The following CNTNAP5 variants were observed in gnomAD, a reference collection of about 807,000 sequenced individuals.
CNTNAP5 encodes the protein contactin-associated protein-like 5.
A neutral mutation model predicts 150.2 loss-of-function variants in CNTNAP5; 72 were observed. The ratio of observed to expected loss-of-function variants is 0.48; its 90% CI spans 0.40 to 0.58. The LOEUF (loss-of-function observed/expected upper bound fraction) is 0.58. CNTNAP5 is among the 20% of genes least tolerant of loss of function. CNTNAP5 has a pLI of 0.00. For synonymous variants in CNTNAP5, 672 were observed against 619.8 expected (o/e 1.08, Z -1.25); for missense variants, 1,636 against 1,626.2 (o/e 1.01, Z -0.10).
At chr2:124,244,608 T>C (rs1686972826) in intron 3 of CNTNAP5, among the ~76,000 whole-genome samples, 1 of 152,048 alleles carries the variant, frequency 6.6e-6, no homozygotes, top group African/African-American at 2.4e-5. Flanking sequence ...GGAGCAGCCT[T>C]TTACTAAGTA....
intron 5 of CNTNAP5, among the ~76,000 whole-genome samples, chr2:124,437,964 A>T (rs1692576341): frequency 1.3e-5 from 2 of 152,150 alleles, no homozygotes; most frequent in African/African-American, 2.4e-5. Context: ...AGTTACTTGC[A>T]ATTCAGAAAT....
intron 11 of CNTNAP5, among the ~76,000 whole-genome samples, chr2:124,591,289 C>T (rs1696675798): frequency 6.6e-6 from 1 of 152,114 alleles, no homozygotes. Context: ...TCAAAGATGA[C>T]CTTCAATGCT....
intron 3 of CNTNAP5, among the ~76,000 whole-genome samples, chr2:124,276,424 A>G (rs900658527): frequency 2.4e-4 from 36 of 152,336 alleles, no homozygotes; most frequent in African/African-American, 7.7e-4. Context: ...AACTGAGTGG[A>G]ACAGCTTCTC....
chr2:124,465,225 G>A (rs993794691), intron 6 of CNTNAP5, among the ~76,000 whole-genome samples: 1 of 152,156 alleles, frequency 6.6e-6, no homozygotes, highest in Admixed American at 6.6e-5. Context: ...CATCAATGCA[G>A]GCTTTCTCCG....
intron 6 of CNTNAP5, among the ~76,000 whole-genome samples, chr2:124,448,832 G>T (rs1692893495): frequency 6.6e-6 from 1 of 152,170 alleles, no homozygotes; most frequent in African/African-American, 2.4e-5. Flanking sequence ...TACAATAATA[G>T]ATTATTGCAT....
chr2:124,303,262 A>G (rs1213645661), intron 3 of CNTNAP5, among the ~76,000 whole-genome samples: 3 of 152,200 alleles, frequency 2.0e-5, no homozygotes, highest in Non-Finnish European at 4.4e-5. Flanking sequence ...CTCAAACAGG[A>G]CAGTGTCTGT....
intron 4 of CNTNAP5, among the ~76,000 whole-genome samples, chr2:124,423,484 C>A (rs2104783582): frequency 6.6e-6 from 1 of 152,012 alleles, no homozygotes; most frequent in East Asian, 1.9e-4. Flanking sequence ...ATTTGAATTT[C>A]TTTAAATATG....
chr2:124,711,654 C>T (rs1375480824), intron 13 of CNTNAP5, among the ~76,000 whole-genome samples: 6 of 151,500 alleles, frequency 4.0e-5, no homozygotes, highest in African/African-American at 7.2e-5. Flanking sequence ...GGTGAAACCC[C>T]GTCTCTACTA....
rs779369968 is a variant in CNTNAP5 at position 124,543,009 on chromosome 2, A to G, written c.1649+15553A>G. Among the ~76,000 whole-genome samples, 9 of 152,246 alleles carry G rather than the reference A, an allele frequency of 5.9e-5. No individual in the cohort carries two copies. The East Asian group carries it at 1.5e-3, about 26-fold the overall frequency. The stretch of plus-strand genomic sequence containing the variant: ...TGGAGGTTGCTATCCGAGATTTAGG[A>G]GTTAAAGCCTTTCACTTCTTTTCTC... On this transcript the variant is annotated intron_variant, in intron 10 of 23. Transcript: ENST00000682447.
At chr2:124,912,261 G>C (rs1678672249) in intron 23 of CNTNAP5, among the ~76,000 whole-genome samples, 1 of 152,098 alleles carries the variant, frequency 6.6e-6, no homozygotes, top group Non-Finnish European at 1.5e-5. Flanking sequence ...AACCTTAGCA[G>C]GTGCCGCCAT....
At chr2:124,581,646 A>T (rs1696416028) in intron 11 of CNTNAP5, among the ~76,000 whole-genome samples, 1 of 152,190 alleles carries the variant, frequency 6.6e-6, no homozygotes, top group African/African-American at 2.4e-5. Context: ...GAACAAAAAG[A>T]GAAAGCCCAC....
At chr2:124,682,447 A>G (rs1320199737) in intron 13 of CNTNAP5, among the ~76,000 whole-genome samples, 1 of 152,176 alleles carries the variant, frequency 6.6e-6, no homozygotes, top group Non-Finnish European at 1.5e-5. Flanking sequence ...CAAAGTGTTG[A>G]CTGTGCTCTA....
At chr2:124,785,550 G>C (rs1681549650) in intron 17 of CNTNAP5, among the ~76,000 whole-genome samples, 1 of 152,194 alleles carries the variant, frequency 6.6e-6, no homozygotes, top group Non-Finnish European at 1.5e-5. Context: ...GAGTGCATGG[G>C]GATGGATAAC....
intron 3 of CNTNAP5, among the ~76,000 whole-genome samples, chr2:124,338,313 G>C (rs1020583763): frequency 6.6e-6 from 1 of 152,138 alleles, no homozygotes; most frequent in Non-Finnish European, 1.5e-5. Context: ...CATCTGCAAA[G>C]AGGGACAATT....
chr2:124,840,354 C>G (rs192951725), intron 19 of CNTNAP5, among the ~76,000 whole-genome samples: 115 of 152,164 alleles, frequency 7.6e-4, no homozygotes, highest in African/African-American at 2.6e-3. Flanking sequence ...CAAGGGAGAT[C>G]CTCTTGAATA....
intron 12 of CNTNAP5, among the ~76,000 whole-genome samples, chr2:124,644,813 G>T (rs1158491953): frequency 6.6e-6 from 1 of 152,064 alleles, no homozygotes; most frequent in Non-Finnish European, 1.5e-5. Context: ...AGGGGCTCTA[G>T]GTTTCAAGCA....
intron 1 of CNTNAP5, among the ~76,000 whole-genome samples, chr2:124,191,632 C>A (rs1685459299): frequency 6.6e-6 from 1 of 152,110 alleles, no homozygotes. Context: ...ACAGACTGGC[C>A]TGGCTGGGCC....
At chr2:124,429,750 C>T (rs1692324688) in intron 4 of CNTNAP5, among the ~76,000 whole-genome samples, 1 of 152,150 alleles carries the variant, frequency 6.6e-6, no homozygotes, top group Non-Finnish European at 1.5e-5. Flanking sequence ...ACACAGGGAT[C>T]ACAGCTCCAG....
intron 17 of CNTNAP5, among the ~76,000 whole-genome samples, chr2:124,775,987 T>A (rs1215686352): frequency 6.6e-6 from 1 of 152,148 alleles, no homozygotes; most frequent in East Asian, 1.9e-4. Flanking sequence ...GGTAGAAAAC[T>A]AACTAGCATG....
Sources: allele counts gnomAD v4.1 joint callset (sites outside exome capture counted in the v4.1 genomes callset), GRCh38; gene constraint gnomAD v4.1.1; transcripts MANE v1.5; gene names NCBI Gene and HGNC (gene_info 2026-07-23, HGNC 2026-07-21).